The following IFNAR1 variants were observed in gnomAD, a reference collection of about 807,000 sequenced individuals.
IFNAR1 encodes interferon alpha/beta receptor 1.
IFNAR1 carries 47 observed loss-of-function variants against 62.1 expected under a neutral mutation model. The ratio of observed to expected loss-of-function variants is 0.76; its 90% CI spans 0.60 to 0.97. IFNAR1 has a LOEUF of 0.97. Among genes scored for constraint, IFNAR1 ranks in the 50% least tolerant of loss-of-function variants. The probability of loss-of-function intolerance (pLI) is 0.00; values close to 1 mark genes in which losing one functional copy is unlikely to be tolerated. For missense variants in IFNAR1, 638 were observed against 654.5 expected, an observed-to-expected ratio of 0.97 and a Z score of 0.27; for synonymous variants, 219 against 226.9, an observed-to-expected ratio of 0.97 and a Z score of 0.31.
At chr21:33,351,504 A>G (rs991602773) in intron 8 of IFNAR1, among the ~76,000 whole-genome samples, 1 of 151,696 alleles carries the variant, frequency 6.6e-6, no homozygotes, top group Non-Finnish European at 1.5e-5. Flanking sequence ...GAGCCACTGA[A>G]CGTTAAGGCA....
chr21:33,355,296 T>C lies in IFNAR1; in HGVS notation c.1441-20T>C, dbSNP rs1352499806. ...TATTTTAAATAATTGATTTCTACTC[T>C]TTCCCTTTTTTTAAATTAGTATTTC... On this transcript the variant is annotated intron_variant, in intron 10 of 10. Coordinates refer to ENST00000270139, the MANE Select transcript of IFNAR1 (RefSeq NM_000629.3). 1 of 1,163,890 alleles carries C rather than the reference T, an allele frequency of 8.6e-7. No homozygotes were observed. Among genetic ancestry groups the C allele is most frequent in the East Asian group, 2.4e-5 (1 of 41,650 alleles). 72.1% of individuals were successfully genotyped at this position (1,163,890 alleles called of 1,614,324 possible).
intron 8 of IFNAR1, among the ~76,000 whole-genome samples, chr21:33,351,552 ATT>A (rs752798894): frequency 3.6e-5 from 5 of 138,540 alleles, no homozygotes; most frequent in Admixed American, 7.3e-5. Context: ...ATTTTATTTT[ATT>A]TTTTTTTTTT....
rs563734644 is a variant in IFNAR1, at chr21:33,346,154, G to A, written c.788+794G>A. Among the ~76,000 whole-genome samples, 85 of 152,234 alleles carry A rather than the reference G, an allele frequency of 5.6e-4. 1 individual carries two copies. The highest frequency in any genetic ancestry group is 2.0e-3 in the African/African-American group (82 of 41,518). Reference sequence around the variant, plus strand: ...GAACTGCATGTAGTTTATATTGATTGGAAAATTGTAGGAGATGAATAGAGA... The same window carrying A: ...GAACTGCATGTAGTTTATATTGATTAGAAAATTGTAGGAGATGAATAGAGA... On this transcript the variant is annotated intron_variant, in intron 6 of 10. Coordinates refer to ENST00000270139, the MANE Select transcript of IFNAR1 (RefSeq NM_000629.3).
At chr21:33,336,843 C>T (rs549339433) in intron 2 of IFNAR1, among the ~76,000 whole-genome samples, 9 of 150,620 alleles carry the variant, frequency 6.0e-5, no homozygotes, top group Non-Finnish European at 1.2e-4. Flanking sequence ...CTCCACTTCC[C>T]GGTTTCAAGC....
intron 2 of IFNAR1, among the ~76,000 whole-genome samples, chr21:33,336,253 T>G (rs2083233555): frequency 1.6e-5 from 2 of 123,260 alleles, no homozygotes; most frequent in African/African-American, 3.1e-5. Flanking sequence ...GGACATGAAC[T>G]CATCATTTTT....
At chr21:33,350,465 G>A (rs2083388140) in intron 8 of IFNAR1, among the ~76,000 whole-genome samples, 1 of 151,866 alleles carries the variant, frequency 6.6e-6, no homozygotes, top group African/African-American at 2.4e-5. Context: ...ATTTTATGAT[G>A]GGGGAAGGAT....
chr21:33,333,221 G>A (rs572784059), intron 1 of IFNAR1, among the ~76,000 whole-genome samples: 1 of 152,312 alleles, frequency 6.6e-6, no homozygotes, highest in Admixed American at 6.5e-5. Context: ...AGCCAAGAAT[G>A]CTATGCCCAG....
At chr21:33,325,449 G>T (rs1324738292) in intron 1 of IFNAR1, among the ~76,000 whole-genome samples, 1 of 152,208 alleles carries the variant, frequency 6.6e-6, no homozygotes, top group Non-Finnish European at 1.5e-5. Flanking sequence ...GGCTCCGCTG[G>T]TCTGTTTGAT....
intron 6 of IFNAR1, among the ~76,000 whole-genome samples, chr21:33,347,156 G>A (rs1390317349): frequency 6.8e-6 from 1 of 147,432 alleles, no homozygotes; most frequent in Non-Finnish European, 1.5e-5. Context: ...TTGAGACGGA[G>A]TCTCACTCTG....
At chr21:33,353,516 A>G in intron 9 of IFNAR1, 122 bp from the exon 10 acceptor site, 2 of 549,918 alleles carry the variant, frequency 3.6e-6, no homozygotes, top group South Asian at 2.8e-5. Flanking sequence ...AAATATTTTT[A>G]AGAGTATTAT....
At chr21:33,333,825 G>T (rs543510036) in intron 1 of IFNAR1, among the ~76,000 whole-genome samples, 1 of 151,618 alleles carries the variant, frequency 6.6e-6, no homozygotes, top group African/African-American at 2.4e-5. Context: ...GGGTTTCACC[G>T]TGTTAGCCAG....
chr21:33,337,930 G>A (rs1319615638), intron 2 of IFNAR1, among the ~76,000 whole-genome samples: 1 of 151,850 alleles, frequency 6.6e-6, no homozygotes. Flanking sequence ...ATTTCCTTAT[G>A]AACAACTATT....
intron 8 of IFNAR1, among the ~76,000 whole-genome samples, chr21:33,351,764 T>G (rs2083399757): frequency 6.6e-6 from 1 of 151,898 alleles, no homozygotes; most frequent in Admixed American, 6.6e-5. Context: ...TGCCCAGGCT[T>G]TTTTGGTGGT....
At chr21:33,324,876 GC>G (rs1472009168), upstream of IFNAR1, 7 of 474,096 alleles carry the variant, frequency 1.5e-5, no homozygotes, top group Admixed American at 3.6e-5. Context: ...GAGGAACGGC[GC>G]GTGCGCGGAG....
chr21:33,331,291 C>T (rs13050445), intron 1 of IFNAR1, among the ~76,000 whole-genome samples: 33,547 of 152,060 alleles, frequency 0.22, 4,364 homozygotes, highest in Admixed American at 0.29. Context: ...AAGTGGTATA[C>T]GGCATTCCAG....
rs754640216 is a variant in IFNAR1, at chr21:33,335,518, T to C, written c.77-6T>C. The C allele has an allele frequency of 3.2e-6, 5 of 1,559,432 alleles. No individual in the cohort carries two copies. The highest frequency in any genetic ancestry group is 3.5e-6 in the Non-Finnish European group (4 of 1,136,942). ...ATAATGTTCTTATTTCTTGTTGCTTTTATAGGTGGAAAAAATCTAAAATCT... is the reference window on the plus strand; with the variant it reads ...ATAATGTTCTTATTTCTTGTTGCTTCTATAGGTGGAAAAAATCTAAAATCT... On this transcript the variant is annotated splice_region_variant and splice_polypyrimidine_tract_variant and intron_variant, in intron 1 of 10. Coordinates refer to ENST00000270139, the MANE Select transcript of IFNAR1 (RefSeq NM_000629.3).
At chr21:33,334,954 G>T in intron 1 of IFNAR1, 1 of 1,580,040 alleles carries the variant, frequency 6.3e-7, no homozygotes, top group Non-Finnish European at 8.7e-7. Context: ...AGGGAGTACA[G>T]CTGCTGTTGT....
At chr21:33,347,156 G>T (rs1390317349) in intron 6 of IFNAR1, among the ~76,000 whole-genome samples, 3 of 147,432 alleles carry the variant, frequency 2.0e-5, no homozygotes, top group Non-Finnish European at 4.5e-5. Flanking sequence ...TTGAGACGGA[G>T]TCTCACTCTG....
intron 1 of IFNAR1, chr21:33,334,900 T>G (rs2051824297): frequency 6.7e-7 from 1 of 1,483,466 alleles, no homozygotes; most frequent in African/African-American, 1.4e-5. Flanking sequence ...TACACTATAC[T>G]TTCCCACCCC....
Sources: allele counts gnomAD v4.1 joint callset (sites outside exome capture counted in the v4.1 genomes callset), GRCh38; gene constraint gnomAD v4.1.1; transcripts MANE v1.5; gene names NCBI Gene and HGNC (gene_info 2026-07-23, HGNC 2026-07-21).